The following SLC23A2 variants were observed in gnomAD, a reference collection of about 807,000 sequenced individuals.
SLC23A2 encodes the protein Na(+)/L-ascorbic acid transporter 2.
A neutral mutation model predicts 73.3 loss-of-function variants in SLC23A2; 36 were observed. The observed-to-expected ratio is 0.49, with a 90% CI of 0.38 to 0.65. The LOEUF (loss-of-function observed/expected upper bound fraction) is 0.65, where lower values mean the gene tolerates loss of function less well. Among genes scored for constraint, SLC23A2 ranks in the 30% least tolerant of loss-of-function variants. The pLI, the probability that SLC23A2 is intolerant of heterozygous loss-of-function variation, is 0.00. For synonymous variants in SLC23A2, 343 were observed against 327.3 expected (o/e 1.05, Z -0.52); for missense variants, 507 against 841.6 (o/e 0.60, Z 4.92).
chr20:4,934,698 C>T (rs529887371), intron 2 of SLC23A2, among the ~76,000 whole-genome samples: 4 of 148,658 alleles, frequency 2.7e-5, no homozygotes, highest in South Asian at 2.1e-4. Context: ...CCCGTCTCTA[C>T]TAAAAAATAC....
In SLC23A2 at chr20:4,863,407, C is replaced by T. The variant is rs908997008; in HGVS notation, c.1357-500G>A. Among the ~76,000 whole-genome samples, 3 of 152,240 alleles carry T rather than the reference C, an allele frequency of 2.0e-5. No homozygotes were observed. Among genetic ancestry groups the T allele is most frequent in the African/African-American group, 7.2e-5 (3 of 41,458 alleles). ...CTGGAGCCTGACTGCGGGCTCTTCT[C>T]CTGGCCCACGTCTGACTGTATGGTC... is the stretch of plus-strand genomic sequence containing the variant. On this transcript the variant is annotated intron_variant, in intron 13 of 16. Coordinates refer to ENST00000338244, the MANE Select transcript of SLC23A2 (RefSeq NM_005116.6). This position sits in a 1 kb window ranked among gnomAD's most constrained non-coding sequence, Gnocchi z 4.8.
chr20:4,950,015 T>C (rs1421848221), intron 2 of SLC23A2, among the ~76,000 whole-genome samples: 2 of 152,184 alleles, frequency 1.3e-5, no homozygotes, highest in Non-Finnish European at 2.9e-5. Context: ...CTGGCCAAAA[T>C]TGTATAACCG....
Position 4,998,485 on chromosome 20 carries a change from C to T in SLC23A2, c.-282+2921G>A, listed in dbSNP as rs11699437. Among the ~76,000 whole-genome samples, 1,314 of 152,146 alleles carry T rather than the reference C, an allele frequency of 8.6e-3. 16 individuals carry two copies. The highest frequency in any genetic ancestry group is 0.02 in the Middle Eastern group (6 of 294). On this transcript the variant is annotated intron_variant, in intron 1 of 16. Coordinates refer to ENST00000338244, the MANE Select transcript of SLC23A2 (RefSeq NM_005116.6). The surrounding 1 kb of genome is among the most constrained non-coding windows in gnomAD (Gnocchi z 4.1). ...GAAGAACGGCATAGCGCACAAAGGGCTCGTTTCAACCTAGAGGCTGCAATG... is the reference window on the plus strand; with the variant it reads ...GAAGAACGGCATAGCGCACAAAGGGTTCGTTTCAACCTAGAGGCTGCAATG...
At chr20:4,911,995 C>T (rs901134570) in intron 4 of SLC23A2, among the ~76,000 whole-genome samples, 10 of 147,456 alleles carry the variant, frequency 6.8e-5, no homozygotes, top group Non-Finnish European at 7.4e-5. Context: ...CATCACCACA[C>T]CTGGATAATT....
intron 4 of SLC23A2, among the ~76,000 whole-genome samples, chr20:4,911,150 G>A (rs772522774): frequency 2.0e-5 from 3 of 152,144 alleles, no homozygotes; most frequent in African/African-American, 2.4e-5. Context: ...TGAAAGCTGC[G>A]GCCCGGCAGT....
chr20:4,985,772 T>C (rs985765126), intron 1 of SLC23A2, among the ~76,000 whole-genome samples: 2 of 152,086 alleles, frequency 1.3e-5, no homozygotes, highest in Admixed American at 6.6e-5. Flanking sequence ...TATGATACCA[T>C]TTATATGTCC....
chr20:5,009,236 C>T (rs940948395), intron 1 of SLC23A2, among the ~76,000 whole-genome samples: 2 of 152,212 alleles, frequency 1.3e-5, no homozygotes, highest in Admixed American at 1.3e-4. Flanking sequence ...GATTCTTCTT[C>T]CTCCTGCTCC....
chr20:4,981,281 C>A lies in SLC23A2; in HGVS notation c.-281-10362G>T, dbSNP rs368572663. On this transcript the variant is annotated intron_variant, in intron 1 of 16. Coordinates refer to ENST00000338244, the MANE Select transcript of SLC23A2 (RefSeq NM_005116.6). ...GGTCATATTACGTTAAAAGAAAGTG[C>A]ACGAACAGACCTAATACATTTGTCA... Among the ~76,000 whole-genome samples, 8 of 152,298 alleles carry A rather than the reference C, an allele frequency of 5.3e-5. No individual in the cohort carries two copies. The East Asian group carries it at 9.6e-4, about 18-fold the overall frequency.
At chr20:4,963,338 G>C (rs372990255) in intron 2 of SLC23A2, among the ~76,000 whole-genome samples, 1 of 152,080 alleles carries the variant, frequency 6.6e-6, no homozygotes, top group African/African-American at 2.4e-5. Flanking sequence ...GAAAATAAGC[G>C]AAGGGTATAT....
In SLC23A2 at chr20:4,884,826, T is replaced by C. The variant is rs777382853; in HGVS notation, c.572-3A>G. 3 of 1,549,672 alleles carry C rather than the reference T, an allele frequency of 1.9e-6. No individual in the cohort carries two copies. The highest frequency in any genetic ancestry group is 2.6e-6 in the Non-Finnish European group (3 of 1,151,006). ...TGTTCCATTGGCAACTGAAACATCT[T>C]GAAAACAAAAACAAAGTTTTTCTTG... is the stretch of plus-strand genomic sequence containing the variant. On this transcript the variant is annotated splice_region_variant and splice_polypyrimidine_tract_variant and intron_variant, in intron 7 of 16. Transcript: ENST00000338244.
At chr20:5,004,320 C>T (rs2088166462), upstream of SLC23A2, among the ~76,000 whole-genome samples, 1 of 152,166 alleles carries the variant, frequency 6.6e-6, no homozygotes, top group African/African-American at 2.4e-5. Context: ...GCCTACATGT[C>T]CACTCTGTCA....
At chr20:4,909,660 T>G (rs528585430) in intron 4 of SLC23A2, among the ~76,000 whole-genome samples, 1 of 152,098 alleles carries the variant, frequency 6.6e-6, no homozygotes, top group Non-Finnish European at 1.5e-5. Flanking sequence ...TTCAAGCAAT[T>G]CTCTTGCCTC....
intron 2 of SLC23A2, among the ~76,000 whole-genome samples, chr20:4,962,911 C>T (rs1298011930): frequency 9.9e-5 from 15 of 152,070 alleles, no homozygotes; most frequent in African/African-American, 2.7e-4. Context: ...GCAGGAGAAT[C>T]GCTTAGAACC....
At chr20:4,978,104 G>GA (rs1379999829) in intron 1 of SLC23A2, among the ~76,000 whole-genome samples, 1 of 152,028 alleles carries the variant, frequency 6.6e-6, no homozygotes, top group African/African-American at 2.4e-5. Context: ...ATAAACTCCT[G>GA]ATTCAAGAAA....
chr20:4,978,458 C>T (rs761127795), intron 1 of SLC23A2, among the ~76,000 whole-genome samples: 2 of 152,098 alleles, frequency 1.3e-5, no homozygotes, highest in Non-Finnish European at 2.9e-5. Context: ...AAAACGAGGA[C>T]GACCTAGAAA....
chr20:4,969,599 T>C (rs951307997), intron 2 of SLC23A2, among the ~76,000 whole-genome samples: 2 of 147,246 alleles, frequency 1.4e-5, no homozygotes, highest in African/African-American at 2.6e-5. Context: ...TTTTTTTTTT[T>C]CTTGAGGCAG....
chr20:4,866,288 A>G (rs1930196396), intron 13 of SLC23A2, among the ~76,000 whole-genome samples: 1 of 152,242 alleles, frequency 6.6e-6, no homozygotes, highest in Non-Finnish European at 1.5e-5. Context: ...GAAACAAACA[A>G]TATTAGTTCA....
chr20:4,874,812 C>A, intron 9 of SLC23A2, 116 bp from the exon 10 acceptor site: 1 of 792,768 alleles, frequency 1.3e-6, no homozygotes. Flanking sequence ...ACCTAGAAAG[C>A]TGCTAGTCCT....
intron 3 of SLC23A2, among the ~76,000 whole-genome samples, chr20:4,920,361 T>C (rs913419874): frequency 1.6e-4 from 24 of 152,294 alleles, no homozygotes; most frequent in Non-Finnish European, 2.6e-4. Context: ...CATTTACACA[T>C]TGCTGACGAA....
Sources: allele counts gnomAD v4.1 joint callset (sites outside exome capture counted in the v4.1 genomes callset), GRCh38; gene constraint gnomAD v4.1.1; non-coding constraint Gnocchi (gnomAD v3.1); transcripts MANE v1.5; gene names NCBI Gene and HGNC (gene_info 2026-07-23, HGNC 2026-07-21).